ATP2B1: variants seen among roughly 807,000 people sequenced by gnomAD.
ATP2B1 encodes the protein ATPase plasma membrane Ca2+ transporting 1, also known as plasma membrane calcium-transporting ATPase 1.
ATP2B1 carries 14 observed loss-of-function variants against 124.2 expected under a neutral mutation model. The ratio of observed to expected loss-of-function variants is 0.11; its 90% confidence interval spans 0.07 to 0.18. ATP2B1 has a LOEUF of 0.18. Ranked by LOEUF, ATP2B1 falls within the 10% of genes least tolerant of loss-of-function variation. The pLI, the probability that ATP2B1 is intolerant of heterozygous loss-of-function variation, is 1.00. For missense variants in ATP2B1, 763 were observed against 1,466.1 expected (o/e 0.52, Z 7.83); for synonymous variants, 449 against 492.4 (o/e 0.91, Z 1.17).
At chr12:89,595,838 T>C (rs754169496) in intron 20 of ATP2B1, among the ~76,000 whole-genome samples, 5 of 151,982 alleles carry the variant, frequency 3.3e-5, no homozygotes, top group Non-Finnish European at 5.9e-5. Context: ...TCCAAGAACA[T>C]AGGACACAGA....
chr12:89,652,741 GT>G (rs11431123), intron 2 of ATP2B1, among the ~76,000 whole-genome samples: 1 of 151,880 alleles, frequency 6.6e-6, no homozygotes, highest in East Asian at 1.9e-4. Flanking sequence ...CTGCTGCTGT[GT>G]TTTTTTTATT....
intron 1 of ATP2B1, among the ~76,000 whole-genome samples, chr12:89,684,649 T>A (rs1212906370): frequency 6.6e-6 from 1 of 151,972 alleles, no homozygotes; most frequent in Non-Finnish European, 1.5e-5. Context: ...AAGAAAAGAG[T>A]AATTTTTAAA....
Position 89,693,557 on chromosome 12 carries a change from C to G in ATP2B1, c.-222+15039G>C, listed in dbSNP as rs1235655113. Among the ~76,000 whole-genome samples, 4 of 152,072 alleles carry G rather than the reference C, an allele frequency of 2.6e-5. No individual in the cohort carries two copies. The East Asian group carries it at 7.8e-4, about 29-fold the overall frequency. ...CAGCACACAGCCGTTGCTTTTTAAC[C>G]AAATTGTCCATGCCTATTAAGTTTT... On this transcript the variant is annotated intron_variant, in intron 1 of 20. Coordinates refer to ENST00000428670, the MANE Select transcript of ATP2B1 (RefSeq NM_001366521.1).
chr12:89,602,180 C>G (rs1338678272), intron 18 of ATP2B1, among the ~76,000 whole-genome samples: 1 of 152,146 alleles, frequency 6.6e-6, no homozygotes, highest in African/African-American at 2.4e-5. Flanking sequence ...ACCTGTAATT[C>G]TAGCACTTTT....
At position 89,690,437 on chromosome 12, in the gene ATP2B1, T is replaced by C. The variant is rs554709430; in HGVS notation, c.-222+18159A>G. On this transcript the variant is annotated intron_variant, in intron 1 of 20. Transcript: ENST00000428670. Reference sequence around the variant, plus strand: ...TATAGGGACATCGGTAAAAATTATATCACAAATACTGTTGTTTATCAGAGG... The same window carrying C: ...TATAGGGACATCGGTAAAAATTATACCACAAATACTGTTGTTTATCAGAGG... 2.7e-3 allele frequency among the ~76,000 whole-genome samples: 417 copies of C among 152,038 alleles called. 1 individual carries two copies. Among genetic ancestry groups the C allele is most frequent in the Middle Eastern group, 6.8e-3 (2 of 294 alleles).
chr12:89,677,308 T>C (rs768316219), intron 1 of ATP2B1, among the ~76,000 whole-genome samples: 3 of 152,154 alleles, frequency 2.0e-5, no homozygotes, highest in Non-Finnish European at 4.4e-5. Flanking sequence ...TTAATTTCAA[T>C]TGTATGCTGG....
intron 3 of ATP2B1, among the ~76,000 whole-genome samples, chr12:89,636,325 C>G (rs1375579585): frequency 6.6e-6 from 1 of 151,652 alleles, no homozygotes; most frequent in Non-Finnish European, 1.5e-5. Flanking sequence ...AGTTGTGAGT[C>G]CAAAATCAAT....
At chr12:89,707,528 A>T (rs1593040401) in intron 1 of ATP2B1, among the ~76,000 whole-genome samples, 1 of 152,316 alleles carries the variant, frequency 6.6e-6, no homozygotes, top group Non-Finnish European at 1.5e-5. Flanking sequence ...GATTATTAAT[A>T]AACCAAGAAA....
chr12:89,627,196 T>C (rs1460571707), intron 7 of ATP2B1, among the ~76,000 whole-genome samples: 2 of 152,040 alleles, frequency 1.3e-5, no homozygotes, highest in Admixed American at 6.6e-5. Context: ...ATGACACAAG[T>C]GGAAAATTCC....
rs1361194914 is a variant in ATP2B1, at chr12:89,621,565, T to A, written c.1571A>T (p.Tyr524Phe). ...LVTGISVNCA[Y>F]TSKILPPEKE... ...AAACCTTACCAATATTTTTGATGTATAAGCACAATTCACAGAAATTCCTGT... is the reference window on the plus strand; with the variant it reads ...AAACCTTACCAATATTTTTGATGTAAAAGCACAATTCACAGAAATTCCTGT... The change falls in exon 10 of 21, where the codon TAT becomes TTT. Residue 524 changes from tyrosine (Y) to phenylalanine (F), a missense_variant. Around this residue, in one of 7 missense-constraint regions of ATP2B1, gnomAD observed 392 missense variants for 776.6 expected, o/e 0.50. Transcript: ENST00000428670. The A allele has an allele frequency of 6.3e-7, 1 of 1,577,046 alleles. No individual in the cohort carries two copies. The highest frequency in any genetic ancestry group is 8.6e-7 in the Non-Finnish European group (1 of 1,156,600).
chr12:89,686,215 A>ATTATT (rs1428289435), intron 1 of ATP2B1, among the ~76,000 whole-genome samples: 1 of 152,084 alleles, frequency 6.6e-6, no homozygotes, highest in Non-Finnish European at 1.5e-5. Context: ...TAGATGATGG[A>ATTATT]TTATTTTATA....
At chr12:89,664,383 A>G (rs1405163028) in intron 1 of ATP2B1, among the ~76,000 whole-genome samples, 1 of 152,348 alleles carries the variant, frequency 6.6e-6, no homozygotes, top group East Asian at 1.9e-4. Flanking sequence ...GATCTCAAAC[A>G]CAGGTATCTT....
At chr12:89,685,984 C>T (rs966531585) in intron 1 of ATP2B1, among the ~76,000 whole-genome samples, 1 of 152,048 alleles carries the variant, frequency 6.6e-6, no homozygotes, top group Non-Finnish European at 1.5e-5. Context: ...AACTCCAGAA[C>T]TATGAGAAAA....
intron 3 of ATP2B1, among the ~76,000 whole-genome samples, chr12:89,640,790 T>TCAAGGC (rs1883383256): frequency 6.6e-6 from 1 of 152,040 alleles, no homozygotes; most frequent in African/African-American, 2.4e-5. Flanking sequence ...TCCTGGCCCC[T>TCAAGGC]CAAGGCCACC....
chr12:89,706,459 T>C (rs566883303), intron 1 of ATP2B1, among the ~76,000 whole-genome samples: 49 of 152,158 alleles, frequency 3.2e-4, no homozygotes, highest in Non-Finnish European at 6.0e-4. Context: ...TCAAACCACC[T>C]ATTAAAAGCA....
chr12:89,644,287 AT>A (rs1481330033), intron 2 of ATP2B1, among the ~76,000 whole-genome samples: 6 of 152,260 alleles, frequency 3.9e-5, no homozygotes, highest in Non-Finnish European at 8.8e-5. Context: ...AAAACAGTAG[AT>A]TACTGTTAAG....
intron 12 of ATP2B1, 74 bp from the exon 13 acceptor site, chr12:89,611,446 G>T: frequency 1.6e-6 from 2 of 1,242,200 alleles, no homozygotes; most frequent in South Asian, 4.0e-5. Context: ...CACTGCACAC[G>T]ACTGCATTAA....
At chr12:89,601,001 G>A (rs1230008112) in intron 19 of ATP2B1, among the ~76,000 whole-genome samples, 2 of 151,908 alleles carry the variant, frequency 1.3e-5, no homozygotes, top group African/African-American at 4.8e-5. Flanking sequence ...GTAAAAATAG[G>A]TTATAGAGTA....
At chr12:89,647,145 A>C (rs1884570150) in intron 2 of ATP2B1, among the ~76,000 whole-genome samples, 1 of 152,244 alleles carries the variant, frequency 6.6e-6, no homozygotes, top group Admixed American at 6.5e-5. Context: ...ACTTATAAGA[A>C]AATATAATGA....
Sources: gnomAD v4.1 joint callset for allele counts (sites outside exome capture counted in the v4.1 genomes callset) on GRCh38, gnomAD v4.1.1 for gene constraint, gnomAD v4.1.1 regional missense constraint, MANE v1.5 for transcripts, NCBI Gene and HGNC (gene_info 2026-07-23, HGNC 2026-07-21) for gene names.